The following SLIT1 variants were observed in gnomAD, a reference collection of about 807,000 sequenced individuals.
SLIT1 encodes slit guidance ligand 1.
A neutral mutation model predicts 186.1 loss-of-function variants in SLIT1; 66 were observed. That is an observed-to-expected ratio of 0.35 (90% CI 0.29 to 0.44). The LOEUF is 0.44. SLIT1 is among the 20% of genes least tolerant of loss of function. The pLI is 1.00. For synonymous variants in SLIT1, 761 were observed against 833.8 expected, an observed-to-expected ratio of 0.91 and a Z score of 1.50; for missense variants, 1,638 against 2,037.4, an observed-to-expected ratio of 0.80 and a Z score of 3.77.
In SLIT1 at chr10:97,022,866, A is replaced by T. The variant is rs189021146; in HGVS notation, c.2583-1453T>A. 2.9e-4 allele frequency among the ~76,000 whole-genome samples: 44 copies of T among 152,286 alleles called. No homozygotes were observed. Among genetic ancestry groups the T allele is most frequent in the African/African-American group, 9.9e-4 (41 of 41,548 alleles). On this transcript the variant is annotated intron_variant, in intron 25 of 36. Transcript: ENST00000266058. The surrounding 1 kb of genome is among the most constrained non-coding windows in gnomAD (Gnocchi z 4.2). The stretch of plus-strand genomic sequence containing the variant: ...CTCCTTACAAATCACATCACTACTG[A>T]GCAGCTTGCTCCTTGTCACTAAACA...
At chr10:97,037,334 GA>G (rs1848649493) in intron 22 of SLIT1, among the ~76,000 whole-genome samples, 1 of 151,920 alleles carries the variant, frequency 6.6e-6, no homozygotes, top group South Asian at 2.1e-4. Flanking sequence ...ATGAGTTCGA[GA>G]GGTTATCCGT....
intron 28 of SLIT1, among the ~76,000 whole-genome samples, chr10:97,017,137 A>G (rs1480593747): frequency 1.3e-5 from 2 of 152,176 alleles, no homozygotes; most frequent in Non-Finnish European, 2.9e-5. Flanking sequence ...CCATCTCCCC[A>G]TCTCAGGGTG....
intron 1 of SLIT1, among the ~76,000 whole-genome samples, chr10:97,174,198 A>G (rs1850227421): frequency 6.6e-6 from 1 of 152,224 alleles, no homozygotes. Flanking sequence ...TCCTTTGCCT[A>G]AGGCCAGTCT....
At chr10:97,146,085 T>C (rs1044022770) in intron 4 of SLIT1, among the ~76,000 whole-genome samples, 4 of 152,250 alleles carry the variant, frequency 2.6e-5, no homozygotes, top group Middle Eastern at 3.2e-3. Flanking sequence ...GGGTTTCTCA[T>C]TAGCATCAGA....
At chr10:97,101,165 A>G (rs1564675942) in intron 4 of SLIT1, among the ~76,000 whole-genome samples, 1 of 152,128 alleles carries the variant, frequency 6.6e-6, no homozygotes, top group Non-Finnish European at 1.5e-5. Context: ...ATACAGGTGG[A>G]AGAGAGTCAT....
intron 24 of SLIT1, 67 bp downstream of exon 24, chr10:97,031,539 A>T: frequency 7.7e-7 from 1 of 1,294,498 alleles, no homozygotes; most frequent in Non-Finnish European, 1.1e-6. Flanking sequence ...ATTTCTGCCC[A>T]CCAGGTGGGT....
At chr10:97,092,750 C>A (rs1327128538) in intron 4 of SLIT1, among the ~76,000 whole-genome samples, 1 of 152,194 alleles carries the variant, frequency 6.6e-6, no homozygotes, top group Non-Finnish European at 1.5e-5. Flanking sequence ...AGAAATATGC[C>A]ACCAGCTGGT....
chr10:97,100,576 C>A (rs1016874824), intron 4 of SLIT1, among the ~76,000 whole-genome samples: 23 of 151,188 alleles, frequency 1.5e-4, no homozygotes, highest in African/African-American at 5.3e-4. Flanking sequence ...GCAGAGGCTG[C>A]AGTGAGCCAA....
intron 23 of SLIT1, among the ~76,000 whole-genome samples, chr10:97,034,016 C>A (rs1315150122): frequency 6.6e-6 from 1 of 152,116 alleles, no homozygotes; most frequent in Non-Finnish European, 1.5e-5. Context: ...AGGCACCCGC[C>A]ACCCAGCCCG....
intron 18 of SLIT1, among the ~76,000 whole-genome samples, chr10:97,045,221 A>G (rs1449186122): frequency 6.6e-6 from 1 of 152,116 alleles, no homozygotes; most frequent in Non-Finnish European, 1.5e-5. Context: ...AAAAAAAAAA[A>G]TAGAAACAGC....
intron 4 of SLIT1, among the ~76,000 whole-genome samples, chr10:97,081,203 A>G (rs1849101617): frequency 1.3e-5 from 2 of 152,116 alleles, no homozygotes; most frequent in Admixed American, 1.3e-4. Context: ...TGAGGAGAGG[A>G]GTGACAGGGC....
chr10:97,169,374 C>A (rs1471542287), intron 1 of SLIT1, among the ~76,000 whole-genome samples: 1 of 152,202 alleles, frequency 6.6e-6, no homozygotes, highest in African/African-American at 2.4e-5. Flanking sequence ...GAGAAAGTGA[C>A]CTCCTCTGGG....
intron 23 of SLIT1, 152 bp downstream of exon 23, chr10:97,034,319 A>C: frequency 1.5e-6 from 1 of 661,306 alleles, no homozygotes; most frequent in Non-Finnish European, 2.7e-6. Flanking sequence ...ATGTTTTTTC[A>C]AAGTCTTTTA....
intron 30 of SLIT1, among the ~76,000 whole-genome samples, chr10:97,012,374 A>G (rs1848419357): frequency 6.6e-6 from 1 of 152,102 alleles, no homozygotes; most frequent in Non-Finnish European, 1.5e-5. Context: ...TATATACTGG[A>G]TATATATCTT....
intron 4 of SLIT1, among the ~76,000 whole-genome samples, chr10:97,118,055 T>C (rs527277389): frequency 6.6e-6 from 1 of 152,246 alleles, no homozygotes; most frequent in Admixed American, 6.5e-5. Flanking sequence ...TCCAAATCTT[T>C]GCATTTACTA....
At chr10:97,141,559 C>T (rs1328728975) in intron 4 of SLIT1, among the ~76,000 whole-genome samples, 1 of 152,198 alleles carries the variant, frequency 6.6e-6, no homozygotes, top group Non-Finnish European at 1.5e-5. Flanking sequence ...CAGACTAGAA[C>T]AGGACTGCCC....
intron 4 of SLIT1, among the ~76,000 whole-genome samples, chr10:97,108,317 C>T (rs570776308): frequency 5.5e-4 from 84 of 152,348 alleles, no homozygotes; most frequent in South Asian, 2.3e-3. Flanking sequence ...TTCACCTCTC[C>T]GTGCCTCAGT....
chr10:97,046,572 C>T (rs1848735227), intron 18 of SLIT1, 82 bp downstream of exon 18: 25 of 1,392,474 alleles, frequency 1.8e-5, no homozygotes, highest in Non-Finnish European at 2.4e-5. Context: ...GGAGGGGCTC[C>T]TCCAGCCTCT....
intron 14 of SLIT1, 86 bp downstream of exon 14, chr10:97,048,869 A>AGGTGGGCC: frequency 7.2e-7 from 1 of 1,393,384 alleles, no homozygotes; most frequent in Non-Finnish European, 9.9e-7. Context: ...GCAGGTGGGC[A>AGGTGGGCC]GGTATGCAGG....
Sources: gnomAD v4.1 joint callset for allele counts (sites outside exome capture counted in the v4.1 genomes callset) on GRCh38, gnomAD v4.1.1 for gene constraint, Gnocchi (gnomAD v3.1) non-coding constraint, MANE v1.5 for transcripts, NCBI Gene and HGNC (gene_info 2026-07-23, HGNC 2026-07-21) for gene names.